The following TLN2 variants were observed in gnomAD, a reference collection of about 807,000 sequenced individuals.
TLN2 encodes talin 2.
A neutral mutation model predicts 294.7 loss-of-function variants in TLN2; 118 were observed. The ratio of observed to expected loss-of-function variants is 0.40; its 90% CI spans 0.34 to 0.47. The LOEUF (loss-of-function observed/expected upper bound fraction) is 0.47, where lower values mean the gene tolerates loss of function less well. TLN2 is among the 20% of genes least tolerant of loss of function. The pLI, the probability that TLN2 is intolerant of heterozygous loss-of-function variation, is 0.84. For synonymous variants in TLN2, 1,431 were observed against 1,304.5 expected (o/e 1.10, Z -2.09); for missense variants, 3,083 against 3,282.2 (o/e 0.94, Z 1.48).
At position 62,700,508 on chromosome 15, in the gene TLN2, GC is replaced by G. The variant is rs568854728; in HGVS notation, c.1588-595del. Among the ~76,000 whole-genome samples, 259 of 152,322 alleles carry G rather than the reference GC, an allele frequency of 1.7e-3. 3 individuals are homozygous for G. Among genetic ancestry groups the G allele is most frequent in the African/African-American group, 5.8e-3 (243 of 41,576 alleles). On this transcript the variant is annotated intron_variant, in intron 16 of 58. Transcript: ENST00000636159. ...AAGGCACAGGACCTGCCTATGATTT[GC>G]CCGAGGTCCTGTCACCTGCTAGTGG...
intron 52 of TLN2, among the ~76,000 whole-genome samples, chr15:62,818,204 G>T (rs1039447097): frequency 6.6e-6 from 1 of 152,178 alleles, no homozygotes; most frequent in Non-Finnish European, 1.5e-5. Flanking sequence ...ATGAAGCCAG[G>T]TTTGAACACA....
intron 1 of TLN2, among the ~76,000 whole-genome samples, chr15:62,520,060 G>A (rs931358576): frequency 2.0e-5 from 3 of 152,196 alleles, no homozygotes; most frequent in Non-Finnish European, 4.4e-5. Context: ...AAAACCATCA[G>A]ATCTTGTGAG....
In TLN2 at chr15:62,740,916, A is replaced by G. The variant is rs929485922; in HGVS notation, c.4025+147A>G. On this transcript the variant is annotated intron_variant, in intron 32 of 58. Coordinates refer to ENST00000636159, the MANE Select transcript of TLN2 (RefSeq NM_015059.3). ...GGAGGTGGAGCTGAGAGTGATGGAC[A>G]CTCTGATATTTTATAAAACTGGCTC... 61 of 974,966 alleles carry G rather than the reference A, an allele frequency of 6.3e-5. 1 individual carries two copies. In the South Asian group the frequency reaches 9.6e-4, roughly 15 times the overall value. 60.4% of individuals were successfully genotyped at this position (974,966 alleles called of 1,614,324 possible).
chr15:62,611,422 C>A (rs1055169235), intron 2 of TLN2, among the ~76,000 whole-genome samples: 1 of 152,112 alleles, frequency 6.6e-6, no homozygotes, highest in Non-Finnish European at 1.5e-5. Flanking sequence ...TAGCCTGTTT[C>A]CCTTGATAGA....
At chr15:62,585,343 T>C (rs188215648) in intron 1 of TLN2, among the ~76,000 whole-genome samples, 6 of 152,322 alleles carry the variant, frequency 3.9e-5, no homozygotes, top group African/African-American at 1.4e-4. Flanking sequence ...CAAATACTTA[T>C]TGGATTCCAG....
chr15:62,807,540 C>T (rs2037081378), intron 51 of TLN2, among the ~76,000 whole-genome samples: 1 of 152,162 alleles, frequency 6.6e-6, no homozygotes, highest in Admixed American at 6.5e-5. Context: ...GCTTTTGTCC[C>T]CAAGCTACAG....
At chr15:62,758,077 G>A (rs1260665605) in intron 37 of TLN2, among the ~76,000 whole-genome samples, 2 of 152,178 alleles carry the variant, frequency 1.3e-5, no homozygotes, top group African/African-American at 4.8e-5. Flanking sequence ...TAAGTTTTAT[G>A]CTGCTTAGTG....
chr15:62,653,989 T>G (rs991428434), intron 7 of TLN2, among the ~76,000 whole-genome samples: 1 of 152,352 alleles, frequency 6.6e-6, no homozygotes, highest in African/African-American at 2.4e-5. Flanking sequence ...TTGTGATATA[T>G]CTGTGTAGAC....
Position 62,770,886 on chromosome 15 carries a change from C to T in TLN2, c.5197-78C>T, listed in dbSNP as rs867768152. 136 of 1,517,832 alleles carry T rather than the reference C, an allele frequency of 9.0e-5. No individual in the cohort carries two copies. In the Middle Eastern group the frequency reaches 2.7e-3, roughly 30 times the overall value. The allele number at this position is 1,517,832 out of a possible 1,614,324, so 94.0% of individuals were successfully genotyped here. A position where few individuals can be genotyped will look rare whatever the true frequency, so the allele number is the denominator to read the frequency against. ...TCAGCCCAGTCCTGTTCCCCTCCCG[C>T]GCCTGACTGTGGAGCCCCTGAAGGA... On this transcript the variant is annotated intron_variant, in intron 41 of 58. Transcript: ENST00000636159.
At chr15:62,691,143 C>T (rs1156687780) in intron 12 of TLN2, among the ~76,000 whole-genome samples, 1 of 152,058 alleles carries the variant, frequency 6.6e-6, no homozygotes, top group Non-Finnish European at 1.5e-5. Flanking sequence ...TAAGTCTTCA[C>T]TAATTTGGGG....
chr15:62,413,368 A>G (rs1340458904), intron 1 of TLN2, among the ~76,000 whole-genome samples: 1 of 152,228 alleles, frequency 6.6e-6, no homozygotes, highest in African/African-American at 2.4e-5. Flanking sequence ...GATTGGATCC[A>G]GATGTGCTGG....
chr15:62,494,865 C>G (rs1019281229), intron 1 of TLN2, among the ~76,000 whole-genome samples: 1 of 152,184 alleles, frequency 6.6e-6, no homozygotes, highest in Non-Finnish European at 1.5e-5. Flanking sequence ...CTGTCCCTTA[C>G]TGTCAGTCTG....
At position 62,813,645 on chromosome 15, in the gene TLN2, A is replaced by G. The variant is rs145307141; in HGVS notation, c.6771+3613A>G. On this transcript the variant is annotated intron_variant, in intron 52 of 58. Coordinates refer to ENST00000636159, the MANE Select transcript of TLN2 (RefSeq NM_015059.3). ...CCAAGATTAGGATCACGGTAATGCT[A>G]TTGACAGGGCAAGGCAGAAGAAAGG... is the stretch of plus-strand genomic sequence containing the variant. 6.8e-4 allele frequency among the ~76,000 whole-genome samples: 104 copies of G among 152,312 alleles called. 1 individual carries two copies. The highest frequency in any genetic ancestry group is 2.3e-3 in the African/African-American group (96 of 41,570).
At chr15:62,826,652 C>A (rs1369060419) in intron 54 of TLN2, among the ~76,000 whole-genome samples, 1 of 152,152 alleles carries the variant, frequency 6.6e-6, no homozygotes, top group Non-Finnish European at 1.5e-5. Flanking sequence ...AGGCTAAGGC[C>A]TCCCTCAAGG....
chr15:62,701,230 A>T lies in TLN2; in HGVS notation c.1696+16A>T. On this transcript the variant is annotated intron_variant, in intron 17 of 58. Transcript: ENST00000636159. ...CTCACAGCTGGTAAGTCCCGGAGAG[A>T]TTTGTGCTGCATTGGGGTTTTGTTT... 6.3e-7 allele frequency: 1 copy of T among 1,597,158 alleles called. No individual in the cohort carries two copies. The highest frequency in any genetic ancestry group is 1.1e-5 in the South Asian group (1 of 89,538).
At chr15:62,826,364 G>T (rs183897113) in intron 54 of TLN2, among the ~76,000 whole-genome samples, 1 of 152,158 alleles carries the variant, frequency 6.6e-6, no homozygotes, top group Admixed American at 6.5e-5. Flanking sequence ...ATGAACTCGC[G>T]CGTATTCCTC....
At chr15:62,563,588 G>A (rs1456618474) in intron 1 of TLN2, among the ~76,000 whole-genome samples, 1 of 152,134 alleles carries the variant, frequency 6.6e-6, no homozygotes, top group African/African-American at 2.4e-5. Flanking sequence ...AAGCTCTTTA[G>A]TTTAATTAAG....
intron 32 of TLN2, among the ~76,000 whole-genome samples, chr15:62,746,161 A>T (rs76129844): frequency 2.1e-5 from 3 of 143,032 alleles, no homozygotes; most frequent in East Asian, 4.2e-4. Context: ...AAGGTTTTTT[A>T]AAAAACACAG....
At chr15:62,631,701 CT>C (rs1325963320) in intron 3 of TLN2, among the ~76,000 whole-genome samples, 31 of 133,388 alleles carry the variant, frequency 2.3e-4, no homozygotes, top group Non-Finnish European at 3.7e-4. Flanking sequence ...TTCTTTCTTT[CT>C]CTCCCTCCCT....
Sources: allele counts gnomAD v4.1 joint callset (sites outside exome capture counted in the v4.1 genomes callset), GRCh38; gene constraint gnomAD v4.1.1; transcripts MANE v1.5; gene names NCBI Gene and HGNC (gene_info 2026-07-23, HGNC 2026-07-21).